SLCO1A2: variants seen among roughly 807,000 people sequenced by gnomAD.
The protein encoded by SLCO1A2 is solute carrier organic anion transporter family member 1A2, also known as OATP-1.
A neutral mutation model predicts 69.0 loss-of-function variants in SLCO1A2; 67 were observed. That is an observed-to-expected ratio of 0.97 (90% CI 0.80 to 1.19). The LOEUF (loss-of-function observed/expected upper bound fraction) is 1.19, where lower values mean the gene tolerates loss of function less well. Among genes scored for constraint, SLCO1A2 ranks in the 50% most tolerant of loss-of-function variants. The pLI is 0.00. For synonymous variants in SLCO1A2, 260 were observed against 265.9 expected, an observed-to-expected ratio of 0.98 and a Z score of 0.22; for missense variants, 787 against 793.7, an observed-to-expected ratio of 0.99 and a Z score of 0.10.
At chr12:21,349,894 C>G (rs1231686968) in intron 2 of SLCO1A2, among the ~76,000 whole-genome samples, 1 of 152,136 alleles carries the variant, frequency 6.6e-6, no homozygotes, top group African/African-American at 2.4e-5. Context: ...TTAATTGCTA[C>G]TTGTTTAAAG....
At chr12:21,364,132 G>A (rs1052252759) in intron 2 of SLCO1A2, among the ~76,000 whole-genome samples, 9 of 152,166 alleles carry the variant, frequency 5.9e-5, no homozygotes, top group Admixed American at 2.0e-4. Flanking sequence ...GATGAACATC[G>A]ATGCAAAAAT....
intron 14 of SLCO1A2, among the ~76,000 whole-genome samples, chr12:21,270,980 T>C (rs1467079135): frequency 6.6e-6 from 1 of 151,774 alleles, no homozygotes; most frequent in Non-Finnish European, 1.5e-5. Flanking sequence ...TCTATTTTTA[T>C]CTTTCTACTT....
chr12:21,327,048 G>A (rs1952294165), intron 2 of SLCO1A2, among the ~76,000 whole-genome samples: 1 of 151,972 alleles, frequency 6.6e-6, no homozygotes, highest in East Asian at 1.9e-4. Flanking sequence ...AGAGGCCTAG[G>A]AGGAAAAAAA....
At chr12:21,376,377 G>T (rs149378829) in intron 1 of SLCO1A2, 1 of 340,638 alleles carries the variant, frequency 2.9e-6, no homozygotes, top group African/African-American at 2.2e-5. Flanking sequence ...AAGTATTTTA[G>T]AATTCAATGC....
At chr12:21,390,377 A>C (rs1427402955) in intron 1 of SLCO1A2, among the ~76,000 whole-genome samples, 1 of 152,174 alleles carries the variant, frequency 6.6e-6, no homozygotes, top group Non-Finnish European at 1.5e-5. Context: ...AAGGAAAAGA[A>C]GGTAAACTTT....
chr12:21,340,120 C>T (rs1449479525), intron 2 of SLCO1A2, among the ~76,000 whole-genome samples: 1 of 151,962 alleles, frequency 6.6e-6, no homozygotes, highest in Non-Finnish European at 1.5e-5. Flanking sequence ...TTGGTCAGCT[C>T]CCCACTTTAC....
At chr12:21,280,838 A>AACATAT (rs1287038798) in intron 12 of SLCO1A2, among the ~76,000 whole-genome samples, 446 of 152,302 alleles carry the variant, frequency 2.9e-3, no homozygotes, top group African/African-American at 9.8e-3. Context: ...ACCATATGTT[A>AACATAT]GCTCACAAAC....
chr12:21,387,681 C>T lies in SLCO1A2; in HGVS notation c.-190+7225G>A, dbSNP rs1037908785. On this transcript the variant is annotated intron_variant, in intron 1 of 15. Coordinates refer to the SLCO1A2 transcript ENST00000307378. ...CAGGGCCCTCATGGACCCCTGCTAG[C>T]GCAGTGCAGAAGGGACATGCGGGGT... Among the ~76,000 whole-genome samples, 3 of 152,174 alleles carry T rather than the reference C, an allele frequency of 2.0e-5. 1 individual carries two copies. In the East Asian group the frequency reaches 5.8e-4, roughly 29 times the overall value.
chr12:21,304,514 G>A lies in SLCO1A2; in HGVS notation c.502C>T (p.Arg168Cys), dbSNP rs11568564. 9.7e-5 allele frequency: 157 copies of A among 1,612,144 alleles called. No homozygotes were observed. The highest frequency in any genetic ancestry group is 1.2e-4 in the Non-Finnish European group (146 of 1,178,710). ...WVYVLVGNIV[R>C]GMGETPILPL... is the part of the protein sequence containing the mutation. The stretch of plus-strand genomic sequence containing the variant: ...AGGATGGGAGTTTCACCCATTCCAC[G>A]TACAATATTGCCTACTAGGACGTAC... The change falls in exon 6 of 15, where the codon CGT becomes TGT. Residue 168 changes from arginine (R) to cysteine (C), a missense_variant. Coordinates refer to ENST00000683939, the MANE Select transcript of SLCO1A2 (RefSeq NM_001386879.1).
chr12:21,269,899 AACTT>A, intron 14 of SLCO1A2, 132 bp from the exon 15 acceptor site: 1 of 482,684 alleles, frequency 2.1e-6, no homozygotes, highest in Non-Finnish European at 3.4e-6. Flanking sequence ...TTATATAAGC[AACTT>A]TGCTAAACTC....
chr12:21,277,494 C>CCT (rs1944089627), intron 12 of SLCO1A2, among the ~76,000 whole-genome samples: 1 of 150,688 alleles, frequency 6.6e-6, no homozygotes, highest in Non-Finnish European at 1.5e-5. Flanking sequence ...GTGAGAGACT[C>CCT]TCTGTTTGAG....
chr12:21,299,755 C>CAT (rs200607210), intron 8 of SLCO1A2, among the ~76,000 whole-genome samples: 12,231 of 131,070 alleles, frequency 0.093, 819 homozygotes, highest in Non-Finnish European at 0.13. Flanking sequence ...CAAATGGGAC[C>CAT]ATATATATAC....
intron 12 of SLCO1A2, among the ~76,000 whole-genome samples, chr12:21,291,949 G>A (rs4149002): frequency 0.26 from 39,975 of 151,972 alleles, 7,219 homozygotes; most frequent in African/African-American, 0.51. Flanking sequence ...AGGAAGAAAA[G>A]TAGCGAGGAA....
At chr12:21,384,893 G>C (rs921806553) in intron 1 of SLCO1A2, among the ~76,000 whole-genome samples, 3 of 151,660 alleles carry the variant, frequency 2.0e-5, no homozygotes, top group African/African-American at 7.3e-5. Flanking sequence ...GGCTTCCCGA[G>C]TAGCTGGGAC....
chr12:21,282,509 C>G (rs757945238), intron 12 of SLCO1A2, among the ~76,000 whole-genome samples: 1 of 151,970 alleles, frequency 6.6e-6, no homozygotes, highest in Non-Finnish European at 1.5e-5. Context: ...AACTGAAAGC[C>G]CTTATTCTGT....
chr12:21,405,620 A>G (rs1172099858), intron 1 of SLCO1A2, among the ~76,000 whole-genome samples: 3 of 152,138 alleles, frequency 2.0e-5, no homozygotes, highest in Admixed American at 6.6e-5. Context: ...CAGAAACAAG[A>G]CCGCACATCT....
At chr12:21,387,293 C>T (rs7303788) in intron 1 of SLCO1A2, among the ~76,000 whole-genome samples, 7,098 of 152,254 alleles carry the variant, frequency 0.047, 182 homozygotes, top group African/African-American at 0.061. Flanking sequence ...ATGCTAATCA[C>T]CAAGATGATG....
rs1201276071 is a variant in SLCO1A2, at chr12:21,266,358, C to A, written c.*3190G>T. On this transcript the variant is annotated 3_prime_UTR_variant, in exon 15 of 15. Coordinates refer to ENST00000683939, the MANE Select transcript of SLCO1A2 (RefSeq NM_001386879.1). ...CTTAATATATTTATTCAGCTGCAAT[C>A]CCTAGTGTCCTTCCAGAGACTGATT... 6.6e-6 allele frequency: 1 copy of A among 152,072 alleles called. No individual in the cohort carries two copies. The highest frequency in any genetic ancestry group is 1.5e-5 in the Non-Finnish European group (1 of 68,018). The allele number at this position is 152,072 out of a possible 1,614,324, so 9.4% of individuals were successfully genotyped here.
intron 4 of SLCO1A2, among the ~76,000 whole-genome samples, chr12:21,307,809 G>C (rs1177872710): frequency 6.6e-6 from 1 of 152,166 alleles, no homozygotes; most frequent in Non-Finnish European, 1.5e-5. Context: ...ACAAAAGCTA[G>C]AGTGTTATGC....
Sources: allele counts gnomAD v4.1 joint callset (sites outside exome capture counted in the v4.1 genomes callset), GRCh38; gene constraint gnomAD v4.1.1; transcripts MANE v1.5; gene names NCBI Gene and HGNC (gene_info 2026-07-23, HGNC 2026-07-21).